Variants in ENTREP2 observed in about 807,000 individuals in gnomAD.
ENTREP2 encodes protein ENTREP2.
chr15:29,248,608 T>C, the ENTREP2 span, among the ~76,000 whole-genome samples: 8,471 of 152,198 alleles, frequency 0.056, 822 homozygotes, highest in African/African-American at 0.19. Context: ...CATATATGTA[T>C]AAATACATAT....
At chr15:29,541,144 T>A in the ENTREP2 span, among the ~76,000 whole-genome samples, 2 of 152,126 alleles carry the variant, frequency 1.3e-5, no homozygotes, top group Non-Finnish European at 2.9e-5. Flanking sequence ...TCCCTCCCTA[T>A]GTCAGGCATT....
chr15:29,437,439 T>C, the ENTREP2 span, among the ~76,000 whole-genome samples: 11 of 152,260 alleles, frequency 7.2e-5, no homozygotes, highest in African/African-American at 2.7e-4. Context: ...CTGTCTTCTA[T>C]TAATTGGCCT....
the ENTREP2 span, among the ~76,000 whole-genome samples, chr15:29,163,289 A>G: frequency 2.6e-5 from 4 of 152,208 alleles, no homozygotes; most frequent in Non-Finnish European, 5.9e-5. Flanking sequence ...CTAGTTTACC[A>G]GCAATGGATC....
At chr15:29,533,042 C>A in the ENTREP2 span, among the ~76,000 whole-genome samples, 1 of 152,124 alleles carries the variant, frequency 6.6e-6, no homozygotes, top group African/African-American at 2.4e-5. Context: ...GTGTTCCAAT[C>A]CAGGGATTGT....
chr15:29,242,147 C>T, the ENTREP2 span, among the ~76,000 whole-genome samples: 2 of 152,318 alleles, frequency 1.3e-5, no homozygotes, highest in East Asian at 1.9e-4. Flanking sequence ...GATCTTGGCT[C>T]ACTGCAACCT....
chr15:29,171,371 T>C, the ENTREP2 span, among the ~76,000 whole-genome samples: 1 of 152,150 alleles, frequency 6.6e-6, no homozygotes, highest in African/African-American at 2.4e-5. Context: ...GGTTCACTCA[T>C]AAACAACACC....
chr15:29,360,581 A>G, the ENTREP2 span, among the ~76,000 whole-genome samples: 1 of 152,212 alleles, frequency 6.6e-6, no homozygotes, highest in Non-Finnish European at 1.5e-5. Context: ...AGCAAAACAT[A>G]CATCAAGTAT....
At chr15:29,134,826 C>T in the ENTREP2 span, among the ~76,000 whole-genome samples, 461 of 152,282 alleles carry the variant, frequency 3.0e-3, 2 homozygotes, top group Non-Finnish European at 5.1e-3. Flanking sequence ...TGTGGGCTCT[C>T]GGGATCTCAA....
the ENTREP2 span, among the ~76,000 whole-genome samples, chr15:29,420,703 T>G: frequency 6.6e-6 from 1 of 152,122 alleles, no homozygotes; most frequent in Non-Finnish European, 1.5e-5. Context: ...TATATGACAC[T>G]TGGGAAGGAG....
At chr15:29,659,505 C>T in the ENTREP2 span, among the ~76,000 whole-genome samples, 1 of 151,860 alleles carries the variant, frequency 6.6e-6, no homozygotes, top group African/African-American at 2.4e-5. Flanking sequence ...AATAATACAC[C>T]CAGAAAACCA....
At chr15:29,548,453 T>TAAAAAAAAAAAAA in the ENTREP2 span, among the ~76,000 whole-genome samples, 5 of 134,186 alleles carry the variant, frequency 3.7e-5, 1 homozygote, top group South Asian at 2.3e-4. Flanking sequence ...AGATTCTGCC[T>TAAAAAAAAAAAAA]AAAAAAAAAA....
the ENTREP2 span, among the ~76,000 whole-genome samples, chr15:29,424,230 G>C: frequency 6.6e-6 from 1 of 152,164 alleles, no homozygotes; most frequent in Non-Finnish European, 1.5e-5. Flanking sequence ...CAAAACCTCT[G>C]CACTACCTAA....
the ENTREP2 span, among the ~76,000 whole-genome samples, chr15:29,458,970 T>A: frequency 6.6e-6 from 1 of 152,248 alleles, no homozygotes; most frequent in South Asian, 2.1e-4. Flanking sequence ...CCGGTGCTGA[T>A]TCCCACATGT....
At chr15:29,403,625 T>C in the ENTREP2 span, among the ~76,000 whole-genome samples, 5 of 152,164 alleles carry the variant, frequency 3.3e-5, no homozygotes, top group East Asian at 9.6e-4. Flanking sequence ...TCCAAATCAT[T>C]ATGAATAAAG....
chr15:29,640,345 A>C, the ENTREP2 span, among the ~76,000 whole-genome samples: 1 of 152,162 alleles, frequency 6.6e-6, no homozygotes, highest in Non-Finnish European at 1.5e-5. Context: ...CATAGAAAAG[A>C]GATTGAATTA....
At chr15:29,475,927 TTGTTCATAGTAAGATC>T in the ENTREP2 span, among the ~76,000 whole-genome samples, 1 of 152,220 alleles carries the variant, frequency 6.6e-6, no homozygotes, top group Non-Finnish European at 1.5e-5. Flanking sequence ...CATCTGTATC[TTGTTCATAGTAAGATC>T]TGCTCATGAG....
chr15:29,544,579 G>A, the ENTREP2 span, among the ~76,000 whole-genome samples: 1 of 152,058 alleles, frequency 6.6e-6, no homozygotes, highest in Admixed American at 6.6e-5. Context: ...ACTAATGCTA[G>A]GCAGGACTGG....
At chr15:29,174,856 G>A in the ENTREP2 span, among the ~76,000 whole-genome samples, 1 of 152,134 alleles carries the variant, frequency 6.6e-6, no homozygotes, top group Non-Finnish European at 1.5e-5. Context: ...CCTTTGACTT[G>A]GCCTGCTTGG....
chr15:29,499,279 T>C, the ENTREP2 span, among the ~76,000 whole-genome samples: 1 of 148,462 alleles, frequency 6.7e-6, no homozygotes, highest in Non-Finnish European at 1.5e-5. Context: ...TATGCTTTGA[T>C]TCCTTTCTCT....
Sources: gnomAD v4.1 joint callset for allele counts (sites outside exome capture counted in the v4.1 genomes callset) on GRCh38, gnomAD v4.1.1 for gene constraint, MANE v1.5 for transcripts, NCBI Gene and HGNC (gene_info 2026-07-23, HGNC 2026-07-21) for gene names.